The following BTBD9 variants were observed in gnomAD, a reference collection of about 807,000 sequenced individuals.
BTBD9 encodes the protein BTB domain containing 9.
Under a neutral mutation model 64.3 loss-of-function variants are expected in BTBD9, and 49 were observed. The observed-to-expected ratio is 0.76, with a 90% CI of 0.61 to 0.97. The LOEUF (loss-of-function observed/expected upper bound fraction) is 0.97, where lower values mean the gene tolerates loss of function less well. Among genes scored for constraint, BTBD9 ranks in the 50% least tolerant of loss-of-function variants. The pLI is 0.00. For missense variants in BTBD9, 598 were observed against 762.1 expected, an observed-to-expected ratio of 0.78 and a Z score of 2.53; for synonymous variants, 260 against 274.7, an observed-to-expected ratio of 0.95 and a Z score of 0.53.
intron 7 of BTBD9, among the ~76,000 whole-genome samples, chr6:38,299,510 C>T (rs1237463773): frequency 1.3e-5 from 2 of 152,218 alleles, no homozygotes; most frequent in African/African-American, 2.4e-5. Flanking sequence ...ACATCCTCTC[C>T]AGCACCTGTT....
At chr6:38,299,728 T>G (rs1011252965) in intron 7 of BTBD9, among the ~76,000 whole-genome samples, 1 of 152,244 alleles carries the variant, frequency 6.6e-6, no homozygotes. Context: ...TGTAAATTTG[T>G]TGGAGTTCAT....
intron 4 of BTBD9, among the ~76,000 whole-genome samples, chr6:38,586,423 G>GAA (rs34199072): frequency 2.7e-5 from 4 of 150,108 alleles, no homozygotes; most frequent in Admixed American, 6.6e-5. Flanking sequence ...TTTTAAGGGG[G>GAA]AAAAAAAATC....
intron 6 of BTBD9, among the ~76,000 whole-genome samples, chr6:38,538,011 T>G (rs1774099434): frequency 6.6e-6 from 1 of 152,182 alleles, no homozygotes. Flanking sequence ...CCTGGACTAT[T>G]AAGTGAGAGA....
chr6:38,500,381 T>A (rs1167948765), intron 6 of BTBD9, among the ~76,000 whole-genome samples: 2 of 152,076 alleles, frequency 1.3e-5, no homozygotes, highest in Non-Finnish European at 2.9e-5. Flanking sequence ...TGAAAAAAAA[T>A]AAAAATTTAC....
chr6:38,628,420 A>T (rs542100502), intron 1 of BTBD9, among the ~76,000 whole-genome samples: 3 of 152,188 alleles, frequency 2.0e-5, no homozygotes, highest in Non-Finnish European at 4.4e-5. Flanking sequence ...CTTTTTCACA[A>T]AGGTATGGGC....
intron 9 of BTBD9, among the ~76,000 whole-genome samples, chr6:38,215,507 C>T (rs942145913): frequency 6.6e-6 from 1 of 152,184 alleles, no homozygotes; most frequent in Non-Finnish European, 1.5e-5. Flanking sequence ...GCCCTGTTAG[C>T]GCTGGATGAC....
At position 38,636,685 on chromosome 6, in the gene BTBD9, G is replaced by A. The variant is rs185083585; in HGVS notation, c.-28+3115C>T. Among the ~76,000 whole-genome samples, 140 of 152,152 alleles carry A rather than the reference G, an allele frequency of 9.2e-4. 1 individual carries two copies. The highest frequency in any genetic ancestry group is 3.0e-3 in the African/African-American group (125 of 41,510). On this transcript the variant is annotated intron_variant, in intron 1 of 10. Coordinates refer to ENST00000481247, the MANE Select transcript of BTBD9 (RefSeq NM_001099272.2). The stretch of plus-strand genomic sequence containing the variant: ...CTCTACTCTAATGCAATCTGCACAC[G>A]AACTGTCAACTTTCTGATTATTCTA...
At chr6:38,471,066 A>G (rs530460125) in intron 6 of BTBD9, among the ~76,000 whole-genome samples, 30 of 152,310 alleles carry the variant, frequency 2.0e-4, no homozygotes, top group Non-Finnish European at 3.5e-4. Flanking sequence ...ATGTAAATAG[A>G]GGATGGTAAA....
chr6:38,222,791 A>G (rs1034932100), intron 9 of BTBD9, among the ~76,000 whole-genome samples: 5 of 152,202 alleles, frequency 3.3e-5, no homozygotes, highest in Non-Finnish European at 7.3e-5. Context: ...CAGGCAAAAC[A>G]TATTTAGAGC....
intron 6 of BTBD9, among the ~76,000 whole-genome samples, chr6:38,422,947 G>C (rs143020022): frequency 6.6e-6 from 1 of 152,038 alleles, no homozygotes; most frequent in African/African-American, 2.4e-5. Flanking sequence ...TACATAGTGA[G>C]ACCTCATCTC....
intron 6 of BTBD9, among the ~76,000 whole-genome samples, chr6:38,435,905 G>C (rs1421235092): frequency 2.0e-5 from 3 of 151,680 alleles, no homozygotes; most frequent in African/African-American, 7.3e-5. Context: ...CTGACCTCAA[G>C]TGATCCGCCC....
chr6:38,323,421 G>T (rs1270548015), intron 7 of BTBD9, among the ~76,000 whole-genome samples: 1 of 152,208 alleles, frequency 6.6e-6, no homozygotes, highest in East Asian at 1.9e-4. Flanking sequence ...TAAAGTAGGA[G>T]TAGAACAAAG....
intron 4 of BTBD9, among the ~76,000 whole-genome samples, chr6:38,586,956 G>A (rs372097592): frequency 2.0e-5 from 3 of 151,916 alleles, no homozygotes; most frequent in Non-Finnish European, 2.9e-5. Flanking sequence ...CCAGCTCCTC[G>A]GGAGGCTGGG....
At chr6:38,187,631 G>C (rs752301686) in intron 10 of BTBD9, among the ~76,000 whole-genome samples, 5 of 152,144 alleles carry the variant, frequency 3.3e-5, no homozygotes, top group Non-Finnish European at 4.4e-5. Flanking sequence ...GCACACAGTG[G>C]GGGGGAGTGA....
At chr6:38,222,659 T>C (rs1763252653) in intron 9 of BTBD9, among the ~76,000 whole-genome samples, 1 of 152,114 alleles carries the variant, frequency 6.6e-6, no homozygotes, top group Non-Finnish European at 1.5e-5. Flanking sequence ...GTAACACTCA[T>C]CTCTGTCTCT....
At chr6:38,205,675 GGA>G in intron 9 of BTBD9, among the ~76,000 whole-genome samples, 1 of 151,902 alleles carries the variant, frequency 6.6e-6, no homozygotes, top group South Asian at 2.1e-4. Context: ...CTTGAGGCCA[GGA>G]GTTCGAGACC....
At chr6:38,540,964 T>C (rs1774241275) in intron 6 of BTBD9, among the ~76,000 whole-genome samples, 2 of 152,208 alleles carry the variant, frequency 1.3e-5, no homozygotes, top group Non-Finnish European at 2.9e-5. Context: ...CACCTTCCCA[T>C]GGTCTGTACT....
chr6:38,192,671 T>G, intron 9 of BTBD9, 74 bp from the exon 10 acceptor site: 1 of 1,356,490 alleles, frequency 7.4e-7, no homozygotes, highest in Non-Finnish European at 1.1e-6. Context: ...GATGGAGTCA[T>G]GTCCACTGAG....
intron 1 of BTBD9, among the ~76,000 whole-genome samples, chr6:38,626,066 T>A (rs1778152983): frequency 6.6e-6 from 1 of 152,228 alleles, no homozygotes. Flanking sequence ...TTTCAATTTG[T>A]TGGACTGAGC....
Sources: allele counts gnomAD v4.1 joint callset (sites outside exome capture counted in the v4.1 genomes callset), GRCh38; gene constraint gnomAD v4.1.1; transcripts MANE v1.5; gene names NCBI Gene and HGNC (gene_info 2026-07-23, HGNC 2026-07-21).